Variants in LRRC49 observed in about 807,000 individuals in gnomAD.
LRRC49 encodes the protein leucine rich repeat containing 49.
In LRRC49, 50 loss-of-function variants were observed where a neutral mutation model predicts 83.3. The observed-to-expected ratio is 0.60, with a 90% CI of 0.48 to 0.76. The LOEUF (loss-of-function observed/expected upper bound fraction) is 0.76, where lower values mean the gene tolerates loss of function less well. Among genes scored for constraint, LRRC49 ranks in the 30% least tolerant of loss-of-function variants. LRRC49 has a pLI of 0.00. For missense variants in LRRC49, 704 were observed against 809.1 expected (o/e 0.87, Z 1.58); for synonymous variants, 286 against 283.3 (o/e 1.01, Z -0.10).
At chr15:70,874,956 G>A (rs1251019746) in intron 2 of LRRC49, among the ~76,000 whole-genome samples, 3 of 152,204 alleles carry the variant, frequency 2.0e-5, no homozygotes, top group Non-Finnish European at 4.4e-5. Flanking sequence ...TTGATCAAAT[G>A]GTTCTAGATG....
At chr15:71,012,946 T>C in intron 14 of LRRC49, 33 bp downstream of exon 14, 1 of 1,325,768 alleles carries the variant, frequency 7.5e-7, no homozygotes, top group Non-Finnish European at 1.1e-6. Flanking sequence ...TTTTATAGAA[T>C]TACTGTTACA....
At chr15:70,887,786 G>T (rs181837035), upstream of LRRC49, among the ~76,000 whole-genome samples, 4 of 152,016 alleles carry the variant, frequency 2.6e-5, no homozygotes, top group Non-Finnish European at 5.9e-5. Flanking sequence ...AATATCAAAC[G>T]CTTTTCTCAG....
chr15:70,985,532 C>G (rs976817160), intron 11 of LRRC49, among the ~76,000 whole-genome samples: 4 of 152,046 alleles, frequency 2.6e-5, no homozygotes, highest in Non-Finnish European at 2.9e-5. Flanking sequence ...GATATTAGCC[C>G]TTTGTCACAT....
In LRRC49 at chr15:71,012,756, C is replaced by G. The variant is rs533539164; in HGVS notation, c.1594-48C>G. 4.0e-6 allele frequency: 4 copies of G among 1,007,368 alleles called. No individual in the cohort carries two copies. The East Asian group carries it at 9.5e-5, about 24-fold the overall frequency. 62.4% of individuals were successfully genotyped at this position (1,007,368 alleles called of 1,614,324 possible). A position where few individuals can be genotyped will look rare whatever the true frequency, so the allele number is the denominator to read the frequency against. On this transcript the variant is annotated intron_variant, in intron 13 of 15. Transcript: ENST00000260382. The stretch of plus-strand genomic sequence containing the variant: ...TTGGGATTATATCAGTTTTATTCAG[C>G]TAAGAGTTGGTGTCATTTTTTTACC...
At chr15:70,989,966 G>T (rs1240732189) in intron 11 of LRRC49, among the ~76,000 whole-genome samples, 1 of 152,324 alleles carries the variant, frequency 6.6e-6, no homozygotes, top group East Asian at 1.9e-4. Flanking sequence ...AACCGCGAAT[G>T]CTGCTGTCTG....
intron 1 of LRRC49, chr15:70,860,179 C>T: frequency 1.5e-6 from 1 of 669,448 alleles, no homozygotes; most frequent in Non-Finnish European, 2.7e-6. Flanking sequence ...GCGGCAGCCC[C>T]TCCCATCCTA....
intron 8 of LRRC49, among the ~76,000 whole-genome samples, chr15:70,948,661 T>C (rs2036099917): frequency 6.6e-6 from 1 of 152,156 alleles, no homozygotes; most frequent in Non-Finnish European, 1.5e-5. Context: ...CCCAACAAGA[T>C]GTTCCAGGCT....
intron 14 of LRRC49, among the ~76,000 whole-genome samples, chr15:71,017,350 A>C (rs1400295384): frequency 6.6e-6 from 1 of 152,208 alleles, no homozygotes; most frequent in Non-Finnish European, 1.5e-5. Context: ...AAAATGTTCT[A>C]CTATACTTTC....
At chr15:71,033,461 C>T (rs9887759) in intron 14 of LRRC49, among the ~76,000 whole-genome samples, 2 of 152,160 alleles carry the variant, frequency 1.3e-5, no homozygotes, top group African/African-American at 2.4e-5. Context: ...GGCCATACTG[C>T]CCAAAGCAAT....
At chr15:70,860,430 G>A (rs1263639023) in intron 1 of LRRC49, among the ~76,000 whole-genome samples, 5 of 152,272 alleles carry the variant, frequency 3.3e-5, no homozygotes, top group South Asian at 2.1e-4. Context: ...AAAACAAAAA[G>A]GAGAGATGAG....
chr15:71,042,991 T>C (rs146021567), intron 15 of LRRC49, among the ~76,000 whole-genome samples: 1 of 152,304 alleles, frequency 6.6e-6, no homozygotes, highest in East Asian at 1.9e-4. Flanking sequence ...TGCAAAGGGC[T>C]CTCTCTTTTC....
At chr15:71,007,709 G>GTGTA (rs964626080) in intron 11 of LRRC49, among the ~76,000 whole-genome samples, 6 of 137,706 alleles carry the variant, frequency 4.4e-5, no homozygotes, top group African/African-American at 1.6e-4. Flanking sequence ...TGAGAAGCAT[G>GTGTA]TATATATATA....
intron 5 of LRRC49, 72 bp downstream of exon 5, chr15:70,904,827 T>C (rs1020274842): frequency 8.8e-7 from 1 of 1,141,734 alleles, no homozygotes; most frequent in Non-Finnish European, 1.3e-6. Context: ...CAACTTAGAA[T>C]TGAATAATAC....
chr15:71,046,427 T>A (rs912643546), intron 15 of LRRC49, among the ~76,000 whole-genome samples: 3 of 152,192 alleles, frequency 2.0e-5, no homozygotes, highest in South Asian at 4.1e-4. Context: ...TCACTGTGGT[T>A]TTGATTTGCA....
chr15:70,887,631 T>TA (rs1221192693), upstream of LRRC49, among the ~76,000 whole-genome samples: 3 of 152,138 alleles, frequency 2.0e-5, no homozygotes, highest in Non-Finnish European at 4.4e-5. Context: ...AAAACTATAG[T>TA]AAAAATCATA....
In LRRC49 at chr15:71,048,973, A is replaced by G. The variant is rs2039939718; in HGVS notation, c.1858-436A>G. ...CCATAATAGAGGGTAAATTCAGAGTATACATACTTAAAGTATTACATAGAT... is the reference window on the plus strand; with the variant it reads ...CCATAATAGAGGGTAAATTCAGAGTGTACATACTTAAAGTATTACATAGAT... On this transcript the variant is annotated intron_variant, in intron 15 of 15. Transcript: ENST00000260382. The G allele has an allele frequency of 1.0e-5, 4 of 384,360 alleles. No homozygotes were observed. In the Admixed American group the frequency reaches 1.4e-4, roughly 13 times the overall value. 23.8% of individuals were successfully genotyped at this position (384,360 alleles called of 1,614,324 possible). A position where few individuals can be genotyped will look rare whatever the true frequency, so the allele number is the denominator to read the frequency against.
chr15:70,928,265 C>T (rs2035283339), intron 7 of LRRC49, among the ~76,000 whole-genome samples: 2 of 151,970 alleles, frequency 1.3e-5, no homozygotes, highest in Non-Finnish European at 2.9e-5. Flanking sequence ...TCTGGAAGTT[C>T]AACAAATTTA....
At chr15:70,984,907 A>T (rs1459694359) in intron 11 of LRRC49, among the ~76,000 whole-genome samples, 1 of 150,336 alleles carries the variant, frequency 6.7e-6, no homozygotes. Context: ...GCGATAGTTT[A>T]CTGAGAATGA....
At chr15:70,859,531 C>T (rs896028094) in intron 1 of LRRC49, 1 of 676,582 alleles carries the variant, frequency 1.5e-6, no homozygotes, top group Non-Finnish European at 2.8e-6. Flanking sequence ...TTGCCAACCG[C>T]AGCCAGGCGG....
Sources: gnomAD v4.1 joint callset for allele counts (sites outside exome capture counted in the v4.1 genomes callset) on GRCh38, gnomAD v4.1.1 for gene constraint, MANE v1.5 for transcripts, NCBI Gene and HGNC (gene_info 2026-07-23, HGNC 2026-07-21) for gene names.